PTBP2: variants seen among roughly 807,000 people sequenced by gnomAD.
PTBP2 encodes the protein polypyrimidine tract-binding protein 2.
A neutral mutation model predicts 61.4 loss-of-function variants in PTBP2; 13 were observed. The ratio of observed to expected loss-of-function variants is 0.21; its 90% CI spans 0.14 to 0.34. The LOEUF is 0.34. Among genes scored for constraint, PTBP2 ranks in the 10% least tolerant of loss-of-function variants. PTBP2 has a pLI of 1.00. For synonymous variants in PTBP2, 215 were observed against 218.5 expected (o/e 0.98, Z 0.14); for missense variants, 405 against 642.6 (o/e 0.63, Z 4.00).
At chr1:96,743,943 G>A (rs919814685) in intron 2 of PTBP2, among the ~76,000 whole-genome samples, 2 of 152,114 alleles carry the variant, frequency 1.3e-5, no homozygotes, top group African/African-American at 4.8e-5. Context: ...ATTTTGGGAG[G>A]CCAAGGTGGT....
rs549205802 is a variant in PTBP2 at position 96,804,769 on chromosome 1, T to C, written c.905-31T>C. The C allele has an allele frequency of 2.4e-5, 38 of 1,582,470 alleles. No individual in the cohort carries two copies. In the South Asian group the frequency reaches 3.9e-4, roughly 16 times the overall value. Reference sequence around the variant, plus strand: ...CTTGTGTGTGTTTCGTAAAATATGCTTTATTTTAAAATTAGGGCTTCCTGT... The same window carrying C: ...CTTGTGTGTGTTTCGTAAAATATGCCTTATTTTAAAATTAGGGCTTCCTGT... On this transcript the variant is annotated intron_variant, in intron 8 of 13. Coordinates refer to ENST00000674951, the MANE Select transcript of PTBP2 (RefSeq NM_021190.4).
chr1:96,761,564 TAAA>T, intron 3 of PTBP2, among the ~76,000 whole-genome samples: 1 of 152,126 alleles, frequency 6.6e-6, no homozygotes, highest in South Asian at 2.1e-4. Flanking sequence ...CAGGAAATGA[TAAA>T]ACGAGTTATC....
At chr1:96,791,826 C>CTTTTTTTTTG in intron 8 of PTBP2, among the ~76,000 whole-genome samples, 1 of 66,128 alleles carries the variant, frequency 1.5e-5, no homozygotes, top group South Asian at 5.7e-4. Context: ...TGGAGTTGTG[C>CTTTTTTTTTG]TTTTTTTTTT....
At chr1:96,750,149 A>G (rs932234189) in intron 2 of PTBP2, among the ~76,000 whole-genome samples, 2 of 151,904 alleles carry the variant, frequency 1.3e-5, no homozygotes, top group Admixed American at 1.3e-4. Flanking sequence ...GAGAACATAT[A>G]CTGTCAGTAA....
rs1662332623 is a variant in PTBP2 at position 96,814,165 on chromosome 1, AAATGTCAG to A, written c.*761_*768del. 6.6e-6 allele frequency: 1 copy of A among 152,548 alleles called. No homozygotes were observed. The highest frequency in any genetic ancestry group is 2.1e-4 in the South Asian group (1 of 4,836). 9.4% of individuals were successfully genotyped at this position (152,548 alleles called of 1,614,324 possible). A position where few individuals can be genotyped will look rare whatever the true frequency, so the allele number is the denominator to read the frequency against. ...CACACTCTTGTGGGACGTATCATATAAATGTCAGCACTAAGTAATGTCTTGTTTGTGGC... is the reference window on the plus strand; with the variant it reads ...CACACTCTTGTGGGACGTATCATATACACTAAGTAATGTCTTGTTTGTGGC... On this transcript the variant is annotated 3_prime_UTR_variant, in exon 14 of 14. Coordinates refer to ENST00000674951, the MANE Select transcript of PTBP2 (RefSeq NM_021190.4).
intron 8 of PTBP2, among the ~76,000 whole-genome samples, chr1:96,791,826 C>CTTTTTTTTGTTTTTTT (rs1482989030): frequency 9.1e-5 from 6 of 66,122 alleles, no homozygotes; most frequent in South Asian, 5.8e-4. Context: ...TGGAGTTGTG[C>CTTTTTTTTGTTTTTTT]TTTTTTTTTT....
At chr1:96,806,992 C>G in intron 11 of PTBP2, 34 bp downstream of exon 11, 1 of 1,477,198 alleles carries the variant, frequency 6.8e-7, no homozygotes, top group Non-Finnish European at 9.3e-7. Context: ...TATACATCTT[C>G]ACTTCTGCTT....
intron 2 of PTBP2, among the ~76,000 whole-genome samples, chr1:96,734,480 G>C (rs1454798566): frequency 1.3e-5 from 2 of 151,228 alleles, no homozygotes; most frequent in Non-Finnish European, 2.9e-5. Context: ...TTTTTTAGTG[G>C]GGGAAGGAGT....
At chr1:96,799,398 C>T (rs1162347716) in intron 8 of PTBP2, among the ~76,000 whole-genome samples, 1 of 147,998 alleles carries the variant, frequency 6.8e-6, no homozygotes, top group East Asian at 2.0e-4. Context: ...CGGGTTCGTG[C>T]CATTCTTCTG....
At chr1:96,811,525 T>TTCTGCC (rs940106032) in intron 11 of PTBP2, among the ~76,000 whole-genome samples, 1 of 152,146 alleles carries the variant, frequency 6.6e-6, no homozygotes, top group African/African-American at 2.4e-5. Context: ...GTACAAGCAA[T>TTCTGCC]TCTGCCTCAG....
At chr1:96,759,649 A>G (rs146190293) in intron 3 of PTBP2, among the ~76,000 whole-genome samples, 44 of 152,350 alleles carry the variant, frequency 2.9e-4, no homozygotes, top group African/African-American at 1.0e-3. Context: ...TAAAATAGAA[A>G]AATCTTAAAG....
intron 3 of PTBP2, among the ~76,000 whole-genome samples, chr1:96,758,666 T>C (rs1198261142): frequency 6.6e-6 from 1 of 152,058 alleles, no homozygotes; most frequent in African/African-American, 2.4e-5. Context: ...GAAGGAGCTT[T>C]TACAATGTAA....
chr1:96,762,310 G>A (rs1655998154), intron 3 of PTBP2, among the ~76,000 whole-genome samples: 1 of 151,236 alleles, frequency 6.6e-6, no homozygotes, highest in African/African-American at 2.4e-5. Flanking sequence ...GGGCGGCCGG[G>A]CAGAGGCGCC....
rs117784771 is a variant in PTBP2, at chr1:96,793,828, G to A, written c.904+8574G>A. On this transcript the variant is annotated intron_variant, in intron 8 of 13. Coordinates refer to ENST00000674951, the MANE Select transcript of PTBP2 (RefSeq NM_021190.4). ...ATCTGGAATGATTTTTATCATCTGA[G>A]TAAAGGAAATATGTTTGATGGTAGT... is the stretch of plus-strand genomic sequence containing the variant. Among the ~76,000 whole-genome samples, 340 of 152,230 alleles carry A rather than the reference G, an allele frequency of 2.2e-3. 7 individuals are homozygous for A. In the East Asian group the frequency reaches 0.043, roughly 19 times the overall value.
intron 1 of PTBP2, among the ~76,000 whole-genome samples, chr1:96,722,674 A>G (rs1649775539): frequency 2.0e-5 from 3 of 152,214 alleles, no homozygotes. Context: ...CAGAAACAAG[A>G]GCAGATAGTC....
chr1:96,787,601 T>C (rs941733300), intron 8 of PTBP2, among the ~76,000 whole-genome samples: 1 of 152,114 alleles, frequency 6.6e-6, no homozygotes, highest in Non-Finnish European at 1.5e-5. Context: ...AGTAGGTGAG[T>C]TAAAGGTTTT....
intron 8 of PTBP2, among the ~76,000 whole-genome samples, chr1:96,795,770 G>C (rs1217629121): frequency 6.6e-6 from 1 of 152,156 alleles, no homozygotes; most frequent in African/African-American, 2.4e-5. Context: ...GAAGAAATAG[G>C]ATGGTAGATC....
chr1:96,822,676 T>C (rs1434471791), exon 14 of PTBP2: 2 of 152,198 alleles, frequency 1.3e-5, no homozygotes, highest in South Asian at 2.1e-4. Flanking sequence ...CAAAACTTGA[T>C]GTTAGATTCT....
chr1:96,747,465 T>A (rs538854216), intron 2 of PTBP2, among the ~76,000 whole-genome samples: 16 of 152,298 alleles, frequency 1.1e-4, no homozygotes, highest in Middle Eastern at 6.8e-3. Flanking sequence ...TAAAAAATTT[T>A]GCTTTTTATA....
Sources: allele counts gnomAD v4.1 joint callset (sites outside exome capture counted in the v4.1 genomes callset), GRCh38; gene constraint gnomAD v4.1.1; transcripts MANE v1.5; gene names NCBI Gene and HGNC (gene_info 2026-07-23, HGNC 2026-07-21).